The following MKLN1 variants were observed in gnomAD, a reference collection of about 807,000 sequenced individuals.
MKLN1 encodes muskelin 1, also known as muskelin.
A neutral mutation model predicts 99.0 loss-of-function variants in MKLN1; 18 were observed. That is an observed-to-expected ratio of 0.18 (90% confidence interval 0.13 to 0.27). The LOEUF is 0.27. MKLN1 is among the 10% of genes least tolerant of loss of function. The probability of loss-of-function intolerance (pLI) is 1.00; values close to 1 mark genes in which losing one functional copy is unlikely to be tolerated. For missense variants in MKLN1, 621 were observed against 875.9 expected (o/e 0.71, Z 3.67); for synonymous variants, 288 against 293.2 (o/e 0.98, Z 0.18).
chr7:131,185,903 C>T (rs1169391044), intron 2 of MKLN1, among the ~76,000 whole-genome samples: 4 of 152,002 alleles, frequency 2.6e-5, no homozygotes, highest in Non-Finnish European at 5.9e-5. Flanking sequence ...TAATTTAAAA[C>T]ATCTGTGGGC....
chr7:131,204,821 C>G (rs1379966922), intron 3 of MKLN1, among the ~76,000 whole-genome samples: 1 of 151,986 alleles, frequency 6.6e-6, no homozygotes, highest in Admixed American at 6.6e-5. Context: ...GTAGTCCCAG[C>G]TACTCAGGAG....
chr7:131,154,941 T>TG (rs1795942464), intron 2 of MKLN1, among the ~76,000 whole-genome samples: 1 of 152,238 alleles, frequency 6.6e-6, no homozygotes, highest in South Asian at 2.1e-4. Flanking sequence ...TAAGTGGCAG[T>TG]GGGGGAGAGA....
chr7:131,394,307 T>C (rs1468137112), intron 4 of MKLN1, among the ~76,000 whole-genome samples: 1 of 152,078 alleles, frequency 6.6e-6, no homozygotes, highest in African/African-American at 2.4e-5. Context: ...CCCAACCTTT[T>C]TGACACCAGC....
chr7:131,219,604 A>G lies in MKLN1; in HGVS notation c.-179+16630A>G, dbSNP rs111938372. Among the ~76,000 whole-genome samples, 663 of 152,224 alleles carry G rather than the reference A, an allele frequency of 4.4e-3. 6 individuals carry two copies. The highest frequency in any genetic ancestry group is 0.015 in the African/African-American group (633 of 41,532). ...ATTGTGATGGACTTTGTAAGGAAAA[A>G]AAAAAAGTGGGAGGAAGTCTGTGAA... On this transcript the variant is annotated intron_variant, in intron 3 of 7. Coordinates refer to the MKLN1 transcript ENST00000416992.
intron 3 of MKLN1, among the ~76,000 whole-genome samples, chr7:131,275,565 A>ATTT (rs1429291720): frequency 1.1e-3 from 7 of 6,604 alleles, no homozygotes; most frequent in African/African-American, 1.1e-3. Flanking sequence ...ATATATATAT[A>ATTT]TATTTTTTTT....
At chr7:131,387,067 CT>C (rs1794052328) in intron 2 of MKLN1, 52 bp from the exon 3 acceptor site, 1 of 1,492,286 alleles carries the variant, frequency 6.7e-7, no homozygotes, top group Admixed American at 2.1e-5. Context: ...TTAAAGTTGT[CT>C]AACATTTGTT....
chr7:131,457,202 G>A (rs1346137148), intron 12 of MKLN1, among the ~76,000 whole-genome samples: 4 of 151,858 alleles, frequency 2.6e-5, no homozygotes, highest in African/African-American at 7.3e-5. Context: ...GCTTGAACCC[G>A]GGAGGCGGAG....
At chr7:131,111,029 T>C (rs1003545386) in intron 1 of MKLN1, among the ~76,000 whole-genome samples, 1 of 152,202 alleles carries the variant, frequency 6.6e-6, no homozygotes, top group Admixed American at 6.5e-5. Context: ...CGTAGGAACA[T>C]TACTTCCTTC....
chr7:131,484,743 G>C (rs1797226620), intron 17 of MKLN1, among the ~76,000 whole-genome samples: 1 of 152,130 alleles, frequency 6.6e-6, no homozygotes, highest in Admixed American at 6.6e-5. Context: ...GTGAGGTATA[G>C]TCTACAAACA....
chr7:131,319,670 C>T (rs554360659), intron 3 of MKLN1, among the ~76,000 whole-genome samples: 81 of 152,194 alleles, frequency 5.3e-4, no homozygotes, highest in Non-Finnish European at 8.1e-4. Flanking sequence ...TGTTTGCAGA[C>T]GACATGATTA....
intron 1 of MKLN1, among the ~76,000 whole-genome samples, chr7:131,347,094 A>G (rs543171674): frequency 3.3e-5 from 5 of 152,334 alleles, no homozygotes; most frequent in Non-Finnish European, 5.9e-5. Context: ...GGGATCTTCT[A>G]GTGCATGGTG....
chr7:131,340,183 TCCCCTTTGTTCTGGCACCCATTC>T (rs1407862428), intron 1 of MKLN1, among the ~76,000 whole-genome samples: 1 of 151,584 alleles, frequency 6.6e-6, no homozygotes, highest in African/African-American at 2.4e-5. Flanking sequence ...GACCCCCCTT[TCCCCTTTGTTCTGGCACCCATTC>T]CCCTGGCCTT....
At chr7:131,304,886 G>A (rs1448175686) in intron 3 of MKLN1, among the ~76,000 whole-genome samples, 2 of 152,168 alleles carry the variant, frequency 1.3e-5, no homozygotes, top group Admixed American at 1.3e-4. Flanking sequence ...GCCTTTAGGA[G>A]GTGGTTAGGG....
chr7:131,190,509 T>C (rs1796519400), intron 2 of MKLN1, among the ~76,000 whole-genome samples: 1 of 152,154 alleles, frequency 6.6e-6, no homozygotes, highest in South Asian at 2.1e-4. Context: ...ATTTCCATGA[T>C]GGAAAATTTT....
intron 3 of MKLN1, among the ~76,000 whole-genome samples, chr7:131,212,023 A>T (rs1796913305): frequency 6.6e-6 from 1 of 152,178 alleles, no homozygotes; most frequent in Non-Finnish European, 1.5e-5. Flanking sequence ...CAGAGTGAAG[A>T]CAGTATCATT....
chr7:131,485,215 A>G (rs1797239768), intron 17 of MKLN1, among the ~76,000 whole-genome samples: 1 of 152,146 alleles, frequency 6.6e-6, no homozygotes, highest in Non-Finnish European at 1.5e-5. Context: ...TCACTGGTCA[A>G]ATCTAGGACA....
At chr7:131,223,502 T>C (rs760002803) in intron 3 of MKLN1, among the ~76,000 whole-genome samples, 1 of 152,186 alleles carries the variant, frequency 6.6e-6, no homozygotes, top group Non-Finnish European at 1.5e-5. Flanking sequence ...CTGCCTACAC[T>C]AACCCTGACT....
At chr7:131,265,335 A>T (rs1584877365) in intron 3 of MKLN1, among the ~76,000 whole-genome samples, 1 of 152,146 alleles carries the variant, frequency 6.6e-6, no homozygotes, top group South Asian at 2.1e-4. Context: ...ATAGTCATCC[A>T]TCCTGTTCTC....
chr7:131,143,034 T>A (rs762514538), intron 2 of MKLN1: 26 of 894,660 alleles, frequency 2.9e-5, no homozygotes, highest in Non-Finnish European at 4.2e-5. Flanking sequence ...CTCTCTGGAG[T>A]CTTCATCAGA....
Sources: allele counts gnomAD v4.1 joint callset (sites outside exome capture counted in the v4.1 genomes callset), GRCh38; gene constraint gnomAD v4.1.1; transcripts MANE v1.5; gene names NCBI Gene and HGNC (gene_info 2026-07-23, HGNC 2026-07-21).